Variants in CD3G observed in about 807,000 individuals in gnomAD.
CD3G encodes T-cell surface glycoprotein CD3 gamma chain.
A neutral mutation model predicts 28.3 loss-of-function variants in CD3G; 24 were observed. That is an observed-to-expected ratio of 0.85 (90% confidence interval 0.61 to 1.19). The LOEUF (loss-of-function observed/expected upper bound fraction) is 1.19. Ranked by LOEUF, CD3G falls within the 50% of genes most tolerant of loss-of-function variation. CD3G has a pLI of 0.00. For synonymous variants in CD3G, 71 were observed against 75.9 expected, an observed-to-expected ratio of 0.93 and a Z score of 0.34; for missense variants, 211 against 210.0, an observed-to-expected ratio of 1.00 and a Z score of -0.03.
intron 5 of CD3G, among the ~76,000 whole-genome samples, chr11:118,351,964 G>C (rs1023787194): frequency 6.6e-6 from 1 of 152,162 alleles, no homozygotes; most frequent in African/African-American, 2.4e-5. Flanking sequence ...TGTAATCCCA[G>C]CACTTTGGGA....
At chr11:118,352,235 A>C (rs988041485) in intron 5 of CD3G, among the ~76,000 whole-genome samples, 169 bp from the exon 6 acceptor site, 1 of 151,430 alleles carries the variant, frequency 6.6e-6, no homozygotes, top group African/African-American at 2.4e-5. Flanking sequence ...AAAGAGAGAG[A>C]GAGAAAAAGA....
chr11:118,351,518 C>G, intron 4 of CD3G, 110 bp from the exon 5 acceptor site: 1 of 980,686 alleles, frequency 1.0e-6, no homozygotes, highest in Non-Finnish European at 1.6e-6. Context: ...TTTATCCATA[C>G]TCTTGTGTAT....
intron 1 of CD3G, among the ~76,000 whole-genome samples, chr11:118,347,793 G>C (rs1284902102): frequency 6.6e-6 from 1 of 151,986 alleles, no homozygotes. Context: ...TAATTTTTTT[G>C]TATTGTCTGT....
intron 1 of CD3G, among the ~76,000 whole-genome samples, chr11:118,347,244 C>T (rs1263458672): frequency 6.6e-6 from 1 of 152,192 alleles, no homozygotes; most frequent in Non-Finnish European, 1.5e-5. Flanking sequence ...ATGACTTTCT[C>T]TATCTGGTAT....
chr11:118,349,716 A>C (rs780942571), intron 2 of CD3G, 27 bp from the exon 3 acceptor site: 1 of 1,555,476 alleles, frequency 6.4e-7, no homozygotes, highest in African/African-American at 1.4e-5. Context: ...AAGATCCTTA[A>C]TAGAACCACG....
In CD3G at chr11:118,353,675, C is replaced by G. The variant is rs1948428672; in HGVS notation, c.*575C>G. The stretch of plus-strand genomic sequence containing the variant: ...CCTCCCGGGCAGCTGGGATTACAGG[C>G]ACACACTACCACACCTGGCTAATTT... On this transcript the variant is annotated 3_prime_UTR_variant, in exon 7 of 7. Transcript: ENST00000532917. 1 of 151,854 alleles carries G rather than the reference C, an allele frequency of 6.6e-6. No individual in the cohort carries two copies. Among genetic ancestry groups the G allele is most frequent in the South Asian group, 2.1e-4 (1 of 4,812 alleles). 9.4% of individuals were successfully genotyped at this position (151,854 alleles called of 1,614,324 possible).
In CD3G at chr11:118,354,706, C is replaced by G. The variant is rs1167257093; in HGVS notation, c.*1606C>G. On this transcript the variant is annotated 3_prime_UTR_variant, in exon 7 of 7. Transcript: ENST00000532917. Reference sequence around the variant, plus strand: ...TTATTATGGCCTTAATTTGCATTTCCCTAGATACTAACCATGCTGAGTGTC... The same window carrying G: ...TTATTATGGCCTTAATTTGCATTTCGCTAGATACTAACCATGCTGAGTGTC... The G allele has an allele frequency of 6.6e-6, 1 of 151,990 alleles. No individual in the cohort carries two copies. Among genetic ancestry groups the G allele is most frequent in the Non-Finnish European group, 1.5e-5 (1 of 68,016 alleles). 9.4% of individuals were successfully genotyped at this position (151,990 alleles called of 1,614,324 possible).
chr11:118,346,622 C>T (rs1225459289), intron 1 of CD3G, among the ~76,000 whole-genome samples: 1 of 151,684 alleles, frequency 6.6e-6, no homozygotes, highest in Non-Finnish European at 1.5e-5. Flanking sequence ...TCAAGACCAA[C>T]CTGGGCAAAA....
At chr11:118,347,788 T>C (rs954019083) in intron 1 of CD3G, among the ~76,000 whole-genome samples, 8 of 152,110 alleles carry the variant, frequency 5.3e-5, no homozygotes, top group Admixed American at 3.3e-4. Flanking sequence ...CCGGCTAATT[T>C]TTTTGTATTG....
chr11:118,350,889 G>GAAAAACAAAAAAAA (rs1948402121), intron 4 of CD3G: 1 of 523,510 alleles, frequency 1.9e-6, no homozygotes, highest in African/African-American at 2.9e-5. Flanking sequence ...CTCCCTCTGT[G>GAAAAACAAAAAAAA]AAAAAAAAAA....
rs1948428318 is a variant in CD3G at position 118,353,643 on chromosome 11, GC to G, written c.*545del. ...CCTCCTGGGTTCAAGCGATTCTCCT[GC>G]CTCAGCCTCCCGGGCAGCTGGGATT... On this transcript the variant is annotated 3_prime_UTR_variant, in exon 7 of 7. Transcript: ENST00000532917. The G allele has an allele frequency of 6.9e-6, 1 of 143,902 alleles. No homozygotes were observed. Among genetic ancestry groups the G allele is most frequent in the Non-Finnish European group, 1.5e-5 (1 of 67,180 alleles). 8.9% of individuals were successfully genotyped at this position (143,902 alleles called of 1,614,324 possible). A position where few individuals can be genotyped will look rare whatever the true frequency, so the allele number is the denominator to read the frequency against.
At chr11:118,352,306 C>A (rs1430231678) in intron 5 of CD3G, 98 bp from the exon 6 acceptor site, 2 of 988,674 alleles carry the variant, frequency 2.0e-6, no homozygotes, top group Non-Finnish European at 3.3e-6. Context: ...GAAGTACCCA[C>A]TCCAAATTCT....
At chr11:118,347,262 C>T (rs1489032915) in intron 1 of CD3G, among the ~76,000 whole-genome samples, 2 of 152,200 alleles carry the variant, frequency 1.3e-5, no homozygotes, top group Non-Finnish European at 2.9e-5. Context: ...TATATTCTTG[C>T]TTACTCTTCA....
Position 118,353,604 on chromosome 11 carries a change from C to G in CD3G, c.*504C>G, listed in dbSNP as rs1359640977. ...GAAATGCAGTGGCACCATCTCGGCTCACTGCAACCTCTGCCTCCTGGGTTC... is the reference window on the plus strand; with the variant it reads ...GAAATGCAGTGGCACCATCTCGGCTGACTGCAACCTCTGCCTCCTGGGTTC... On this transcript the variant is annotated 3_prime_UTR_variant, in exon 7 of 7. Transcript: ENST00000532917. 1.4e-5 allele frequency: 2 copies of G among 143,786 alleles called. No individual in the cohort carries two copies. Among genetic ancestry groups the G allele is most frequent in the Non-Finnish European group, 3.0e-5 (2 of 66,636 alleles). 8.9% of individuals were successfully genotyped at this position (143,786 alleles called of 1,614,324 possible).
chr11:118,351,895 C>T (rs1251474405), intron 5 of CD3G, among the ~76,000 whole-genome samples: 1 of 151,838 alleles, frequency 6.6e-6, no homozygotes. Flanking sequence ...CTGAGAGGGA[C>T]ACACGAAGAA....
At chr11:118,349,574 C>T (rs1374526495) in intron 2 of CD3G, 169 bp from the exon 3 acceptor site, 9 of 676,662 alleles carry the variant, frequency 1.3e-5, no homozygotes, top group Non-Finnish European at 2.3e-5. Context: ...GCAGAATCTC[C>T]CCTCCCCAGA....
rs749951677 is a variant in CD3G, at chr11:118,349,774, AG to A, written c.112del (p.Glu38LysfsTer7). On this transcript the variant is annotated frameshift_variant, in exon 3 of 7. Transcript: ENST00000532917. LOFTEE classifies it high-confidence loss of function. ...ACTTGGTTAAGGTGTATGACTATCAAGAAGATGGTTCGGTACTTCTGACTTG... is the reference window on the plus strand; with the variant it reads ...ACTTGGTTAAGGTGTATGACTATCAAAAGATGGTTCGGTACTTCTGACTTG... ...NHLVKVYDYQ[E>X]DGSVLLTCDA... The A allele has an allele frequency of 6.2e-7, 1 of 1,614,124 alleles. No homozygotes were observed. The highest frequency in any genetic ancestry group is 8.5e-7 in the Non-Finnish European group (1 of 1,179,960).
chr11:118,352,308 C>T (rs542940634), intron 5 of CD3G, 96 bp from the exon 6 acceptor site: 35 of 1,027,160 alleles, frequency 3.4e-5, no homozygotes, highest in African/African-American at 3.1e-4. Flanking sequence ...AGTACCCACT[C>T]CAAATTCTCA....
intron 6 of CD3G, 143 bp from the exon 7 acceptor site, chr11:118,352,976 C>G (rs1351915178): frequency 5.6e-6 from 1 of 177,654 alleles, no homozygotes; most frequent in Non-Finnish European, 1.2e-5. Flanking sequence ...TTAAGAACCA[C>G]TAACCCATAT....
Sources: allele counts gnomAD v4.1 joint callset (sites outside exome capture counted in the v4.1 genomes callset), GRCh38; gene constraint gnomAD v4.1.1; transcripts MANE v1.5; gene names NCBI Gene and HGNC (gene_info 2026-07-23, HGNC 2026-07-21).